NPC1: variants seen among roughly 807,000 people sequenced by gnomAD.
NPC1 encodes Niemann-Pick C1 protein.
Under a neutral mutation model 140.4 loss-of-function variants are expected in NPC1, and 85 were observed. The observed-to-expected ratio is 0.61, with a 90% confidence interval of 0.51 to 0.72. NPC1 has a LOEUF of 0.72. Ranked by LOEUF, NPC1 falls within the 30% of genes least tolerant of loss-of-function variation. NPC1 has a pLI of 0.00. For missense variants in NPC1, 1,504 were observed against 1,623.8 expected (o/e 0.93, Z 1.27); for synonymous variants, 656 against 624.8 (o/e 1.05, Z -0.74).
At chr18:23,529,535 C>T (rs773699621), downstream of NPC1, 12 of 1,269,956 alleles carry the variant, frequency 9.4e-6, no homozygotes, top group Non-Finnish European at 1.4e-5. Context: ...AACACTGGGC[C>T]ATTTTAAGAT....
intron 24 of NPC1, among the ~76,000 whole-genome samples, 196 bp from the exon 25 acceptor site, chr18:23,532,480 C>T (rs2058545056): frequency 6.6e-6 from 1 of 152,156 alleles, no homozygotes; most frequent in Non-Finnish European, 1.5e-5. Context: ...CTTCCTCAGG[C>T]TGCAGTGCAG....
chr18:23,526,546 C>T (rs1165606102), downstream of NPC1: 2 of 1,491,980 alleles, frequency 1.3e-6, no homozygotes, highest in East Asian at 4.6e-5. Context: ...CACCACCTGC[C>T]ACCCGCCCCG....
chr18:23,553,096 T>G (rs551691161), intron 9 of NPC1, among the ~76,000 whole-genome samples: 4 of 152,292 alleles, frequency 2.6e-5, no homozygotes, highest in Admixed American at 6.5e-5. Context: ...CAAGCATAAC[T>G]ACAAACCAAT....
intron 4 of NPC1, among the ~76,000 whole-genome samples, chr18:23,563,990 T>TG (rs201681135): frequency 1.1e-4 from 16 of 139,738 alleles, no homozygotes; most frequent in African/African-American, 4.7e-4. Flanking sequence ...AGTAAGAGTT[T>TG]TTTTTTTTTT....
rs776893646 is a variant in NPC1, at chr18:23,532,233, C to G, written c.3806G>C (p.Gly1269Ala). 6.2e-7 allele frequency: 1 copy of G among 1,614,136 alleles called. No individual in the cohort carries two copies. Among genetic ancestry groups the G allele is most frequent in the South Asian group, 1.1e-5 (1 of 91,078 alleles). ...ATTTAGAAGCCGTTCGCGCTCTGTT[C>G]CTTTGTATCGCTCTTCAGTGGCACA... is the stretch of plus-strand genomic sequence containing the variant. ...KSCATEERYK[G>A]TERERLLNF The change falls in exon 25 of 25, where the codon GGA becomes GCA. Residue 1269 changes from glycine (G) to alanine (A), a missense_variant. By Grantham distance (60) the Gly-to-Ala change is moderately conservative (BLOSUM62 0). Transcript: ENST00000269228.
rs1567980076 is a variant in NPC1 at position 23,572,196 on chromosome 18, GCA to G, written c.181-18_181-17del. On this transcript the variant is annotated splice_polypyrimidine_tract_variant and intron_variant, in intron 2 of 24. Coordinates refer to ENST00000269228, the MANE Select transcript of NPC1 (RefSeq NM_000271.5). ...GACAGAGTTCCTTTCAGGTGAAAGA[GCA>G]CAGACACGGGAGTAGGCAACAGTTA... The G allele has an allele frequency of 8.3e-6, 13 of 1,573,584 alleles. No individual in the cohort carries two copies. The South Asian group carries it at 1.4e-4, about 17-fold the overall frequency.
chr18:23,524,565 GGTGAATC>G, downstream of NPC1: 1 of 1,429,864 alleles, frequency 7.0e-7, no homozygotes, highest in East Asian at 2.3e-5. Flanking sequence ...ACGTTTTCAA[GGTGAATC>G]TCTTAGAAAT....
In NPC1 at chr18:23,539,964, T is replaced by C. The variant is rs1404838666; in HGVS notation, c.2642A>G (p.Gln881Arg). The change falls in exon 18 of 25, where the codon CAG (glutamine) becomes CGG (arginine). Residue 881 changes from glutamine to arginine, a missense_variant. Gln to Arg is a conservative substitution (Grantham distance 43, BLOSUM62 1). Transcript: ENST00000269228. ...CACAGGCGGACCCGCATGCAGGTAC[T>C]GACTGATGGATTTGAAATAATCCAC... is the stretch of plus-strand genomic sequence containing the variant. ...YMVDYFKSIS[Q>R]YLHAGPPVYF... The C allele has an allele frequency of 5.0e-6, 8 of 1,614,214 alleles. No individual in the cohort carries two copies. The highest frequency in any genetic ancestry group is 1.7e-5 in the Admixed American group (1 of 60,030).
At position 23,556,367 on chromosome 18, in the gene NPC1, G is replaced by A; in HGVS notation, c.1202C>T (p.Pro401Leu). The A allele has an allele frequency of 6.2e-7, 1 of 1,614,128 alleles. No homozygotes were observed. Among genetic ancestry groups the A allele is most frequent in the Non-Finnish European group, 8.5e-7 (1 of 1,180,000 alleles). ...EKEYFDQHFG[P>L]FFRTEQLIIR... is the part of the protein sequence containing the mutation. ...GATGAGCTGCTCCGTCCGGAAGAAA[G>A]GCCCAAAGTGCTGGTCAAAGTACTC... The change falls in exon 8 of 25, where the codon CCT becomes CTT. Residue 401 changes from proline (P) to leucine (L), a missense_variant. Physicochemically the swap from Pro to Leu is moderately conservative, Grantham distance 98 (BLOSUM62 -3). Transcript: ENST00000269228.
At chr18:23,536,980 G>A (rs2058640971) in intron 20 of NPC1, 104 bp from the exon 21 acceptor site, 3 of 855,302 alleles carry the variant, frequency 3.5e-6, no homozygotes, top group African/African-American at 1.7e-5. Flanking sequence ...TGGACTCAGA[G>A]GTCAGACCCA....
At chr18:23,543,314 G>A (rs2058736497) in intron 14 of NPC1, 141 bp downstream of exon 14, 1 of 588,408 alleles carries the variant, frequency 1.7e-6, no homozygotes, top group Non-Finnish European at 2.9e-6. Context: ...GGGTGGCAGA[G>A]TGAGACTCCG....
At chr18:23,509,219 C>T in intron 3 of NPC1, 1 of 1,454,290 alleles carries the variant, frequency 6.9e-7, no homozygotes, top group Non-Finnish European at 9.1e-7. Flanking sequence ...TTCTAGGATT[C>T]TGCTGGACTA....
intron 22 of NPC1, among the ~76,000 whole-genome samples, chr18:23,535,120 G>C (rs2058607992): frequency 6.6e-6 from 1 of 152,080 alleles, no homozygotes; most frequent in Non-Finnish European, 1.5e-5. Context: ...ACAAATTACA[G>C]GCAGACTAGC....
intron 9 of NPC1, among the ~76,000 whole-genome samples, chr18:23,553,173 G>A (rs186393752): frequency 5.9e-5 from 9 of 152,324 alleles, no homozygotes; most frequent in African/African-American, 1.7e-4. Flanking sequence ...AACCACGTCC[G>A]CTTTGAGGAA....
downstream of NPC1, among the ~76,000 whole-genome samples, chr18:23,531,137 C>T (rs957847010): frequency 3.9e-5 from 6 of 152,096 alleles, no homozygotes; most frequent in East Asian, 1.9e-4. Flanking sequence ...ACTACAGGTG[C>T]GTGCCACCAC....
chr18:23,541,363 AAAGT>A lies in NPC1; in HGVS notation c.2312_2315del (p.Asp771ValfsTer9). On this transcript the variant is annotated frameshift_variant, in exon 15 of 25. Transcript: ENST00000269228. LOFTEE classifies it high-confidence loss of function. ...TCACGAAACAGGTAATCTGCAGAAG[AAAGT>A]CAATGAAGACTGCCAATCCCGCAAA... 6.2e-7 allele frequency: 1 copy of A among 1,614,240 alleles called. No homozygotes were observed. Among genetic ancestry groups the A allele is most frequent in the Non-Finnish European group, 8.5e-7 (1 of 1,180,052 alleles).
intron 10 of NPC1, among the ~76,000 whole-genome samples, chr18:23,550,268 C>A (rs1230543516): frequency 6.6e-6 from 1 of 151,932 alleles, no homozygotes. Flanking sequence ...GCCTCTGCCT[C>A]CCAAATTGCT....
At chr18:23,555,247 A>G (rs1023057396) in intron 8 of NPC1, among the ~76,000 whole-genome samples, 3 of 152,248 alleles carry the variant, frequency 2.0e-5, no homozygotes, top group Non-Finnish European at 2.9e-5. Context: ...CTATCAACAT[A>G]GGACACACAA....
chr18:23,542,047 C>T (rs1028816875), intron 14 of NPC1, among the ~76,000 whole-genome samples: 2 of 151,840 alleles, frequency 1.3e-5, no homozygotes, highest in Non-Finnish European at 2.9e-5. Context: ...GGAAGAAAAA[C>T]AACAACAACA....
Sources: gnomAD v4.1 joint callset for allele counts (sites outside exome capture counted in the v4.1 genomes callset) on GRCh38, gnomAD v4.1.1 for gene constraint, MANE v1.5 for transcripts, NCBI Gene and HGNC (gene_info 2026-07-23, HGNC 2026-07-21) for gene names.